Variants in AGFG1 observed in about 807,000 individuals in gnomAD.
AGFG1 encodes ArfGAP with FG repeats 1, also known as arf-GAP domain and FG repeat-containing protein 1.
Under a neutral mutation model 60.6 loss-of-function variants are expected in AGFG1, and 10 were observed. The observed-to-expected ratio is 0.16, with a 90% confidence interval of 0.10 to 0.28. The LOEUF (loss-of-function observed/expected upper bound fraction) is 0.28. Among genes scored for constraint, AGFG1 ranks in the 10% least tolerant of loss-of-function variants. AGFG1 has a pLI of 1.00. For synonymous variants in AGFG1, 247 were observed against 242.9 expected, an observed-to-expected ratio of 1.02 and a Z score of -0.16; for missense variants, 537 against 676.5, an observed-to-expected ratio of 0.79 and a Z score of 2.29.
intron 1 of AGFG1, among the ~76,000 whole-genome samples, chr2:227,474,877 A>G (rs1207070164): frequency 2.0e-5 from 3 of 152,060 alleles, no homozygotes; most frequent in African/African-American, 7.2e-5. Context: ...TTTGAGCTTG[A>G]TTTTTCTCTT....
chr2:227,500,117 ACAGGCCCTC>A lies in AGFG1; in HGVS notation c.261+8481_261+8489del, dbSNP rs140967573. ...TTATGAGCTGGTAAGAAGAAAACAAACAGGCCCTCCAGCCTCATAGGTTTTTGAGGAATT... is the reference window on the plus strand; with the variant it reads ...TTATGAGCTGGTAAGAAGAAAACAAACAGCCTCATAGGTTTTTGAGGAATT... On this transcript the variant is annotated intron_variant, in intron 2 of 12. Transcript: ENST00000310078. 8.6e-3 allele frequency among the ~76,000 whole-genome samples: 1,303 copies of A among 152,306 alleles called. 8 individuals are homozygous for A. Among genetic ancestry groups the A allele is most frequent in the Middle Eastern group, 0.027 (8 of 294 alleles).
At chr2:227,531,316 C>A in intron 6 of AGFG1, 106 bp downstream of exon 6, 1 of 1,301,704 alleles carries the variant, frequency 7.7e-7, no homozygotes, top group Non-Finnish European at 1.0e-6. Context: ...AATTATCTGA[C>A]TTTAAAATGG....
intron 1 of AGFG1, among the ~76,000 whole-genome samples, chr2:227,481,054 C>G (rs2106155765): frequency 7.0e-6 from 1 of 143,252 alleles, no homozygotes; most frequent in African/African-American, 2.5e-5. Context: ...TTCAGAACCT[C>G]ATATTGAAGT....
intron 10 of AGFG1, 113 bp from the exon 11 acceptor site, chr2:227,551,846 A>G: frequency 7.8e-7 from 1 of 1,285,466 alleles, no homozygotes; most frequent in Non-Finnish European, 1.1e-6. Flanking sequence ...CCCTGCCTTT[A>G]ATGTACATCT....
chr2:227,503,382 G>A (rs1691216695), intron 2 of AGFG1, among the ~76,000 whole-genome samples: 1 of 152,128 alleles, frequency 6.6e-6, no homozygotes, highest in Non-Finnish European at 1.5e-5. Flanking sequence ...CTTGAAGTCA[G>A]GTAGTACAAA....
intron 2 of AGFG1, among the ~76,000 whole-genome samples, chr2:227,499,427 G>A (rs1691080984): frequency 1.3e-5 from 2 of 151,948 alleles, no homozygotes; most frequent in African/African-American, 4.8e-5. Context: ...ATCACTTGAG[G>A]CCAGGAGTTC....
At chr2:227,540,657 C>G (rs958540954) in intron 10 of AGFG1, among the ~76,000 whole-genome samples, 1 of 152,144 alleles carries the variant, frequency 6.6e-6, no homozygotes. Flanking sequence ...AGTAAACGTA[C>G]GTGTGCATGT....
rs1349054604 is a variant in AGFG1 at position 227,561,010 on chromosome 2, TG to T, written c.*6517del. On this transcript the variant is annotated 3_prime_UTR_variant, in exon 13 of 13. Transcript: ENST00000310078. Reference sequence around the variant, plus strand: ...GACCTTCTAGTCAGCAGGGCATGTTTGGAAAATGTTAATACGCCATGATTTT... The same window carrying T: ...GACCTTCTAGTCAGCAGGGCATGTTTGAAAATGTTAATACGCCATGATTTT... 6.6e-6 allele frequency: 1 copy of T among 152,174 alleles called. No homozygotes were observed. The highest frequency in any genetic ancestry group is 1.5e-5 in the Non-Finnish European group (1 of 68,002). 9.4% of individuals were successfully genotyped at this position (152,174 alleles called of 1,614,324 possible).
At chr2:227,485,894 G>A (rs755494488) in intron 1 of AGFG1, among the ~76,000 whole-genome samples, 6 of 152,218 alleles carry the variant, frequency 3.9e-5, no homozygotes, top group Non-Finnish European at 7.4e-5. Flanking sequence ...GGGAGGTGGT[G>A]TTAATCTTTT....
At position 227,554,765 on chromosome 2, in the gene AGFG1, A is replaced by G. The variant is rs1270241896; in HGVS notation, c.*270A>G. The G allele has an allele frequency of 3.0e-6, 1 of 332,962 alleles. No homozygotes were observed. Among genetic ancestry groups the G allele is most frequent in the African/African-American group, 2.1e-5 (1 of 47,372 alleles). 20.6% of individuals were successfully genotyped at this position (332,962 alleles called of 1,614,324 possible). A position where few individuals can be genotyped will look rare whatever the true frequency, so the allele number is the denominator to read the frequency against. On this transcript the variant is annotated 3_prime_UTR_variant, in exon 13 of 13. Coordinates refer to ENST00000310078, the MANE Select transcript of AGFG1 (RefSeq NM_004504.5). Reference sequence around the variant, plus strand: ...AGTTATTGCAGATACCACATTCATTATGCTGCAGTACTGTACATATTTTTC... The same window carrying G: ...AGTTATTGCAGATACCACATTCATTGTGCTGCAGTACTGTACATATTTTTC...
intron 2 of AGFG1, among the ~76,000 whole-genome samples, chr2:227,513,805 A>G (rs1034561367): frequency 6.6e-6 from 1 of 152,188 alleles, no homozygotes; most frequent in Non-Finnish European, 1.5e-5. Context: ...AAAATTATCA[A>G]TTTTATGAAT....
chr2:227,495,227 T>C (rs978769509), intron 2 of AGFG1, among the ~76,000 whole-genome samples: 2 of 152,178 alleles, frequency 1.3e-5, no homozygotes, highest in Admixed American at 6.5e-5. Context: ...CATGTATTTC[T>C]TTTGTATCAT....
At chr2:227,540,967 T>C (rs1227005993) in intron 10 of AGFG1, among the ~76,000 whole-genome samples, 3 of 152,246 alleles carry the variant, frequency 2.0e-5, no homozygotes, top group African/African-American at 7.2e-5. Context: ...CATTTCTTCA[T>C]GTGTCTGTTG....
At position 227,531,138 on chromosome 2, in the gene AGFG1, C is replaced by A; in HGVS notation, c.742C>A (p.Gln248Lys). 6.2e-7 allele frequency: 1 copy of A among 1,613,448 alleles called. No individual in the cohort carries two copies. Among genetic ancestry groups the A allele is most frequent in the Non-Finnish European group, 8.5e-7 (1 of 1,179,580 alleles). The change falls in exon 6 of 13, where the codon CAG (glutamine) becomes AAG (lysine). Residue 248 changes from glutamine (Q) to lysine (K), a missense_variant. Transcript: ENST00000310078. The stretch of plus-strand genomic sequence containing the variant: ...TTTTGCAAACTTTGATGCATTTGGA[C>A]AGTCTAGTGGTTCGAGTAATTTTGG... ...ADFANFDAFG[Q>K]SSGSSNFGGF...
At chr2:227,508,676 AAC>A (rs1691399805) in intron 2 of AGFG1, 1 of 451,160 alleles carries the variant, frequency 2.2e-6, no homozygotes, top group South Asian at 1.6e-5. Context: ...TTGGAATGGA[AAC>A]ACTGTTGGGA....
At chr2:227,540,323 C>CCTAAT (rs1432951493) in intron 10 of AGFG1, among the ~76,000 whole-genome samples, 2 of 151,742 alleles carry the variant, frequency 1.3e-5, no homozygotes, top group East Asian at 3.9e-4. Context: ...AGGTATGTCT[C>CCTAAT]CTAATGGTAT....
intron 1 of AGFG1, among the ~76,000 whole-genome samples, chr2:227,480,649 C>T (rs1017813447): frequency 6.0e-5 from 9 of 150,916 alleles, no homozygotes; most frequent in Non-Finnish European, 1.3e-4. Flanking sequence ...TCTGGAAATG[C>T]TGCTGTCTAG....
chr2:227,518,516 C>CTTTTT (rs1222543055), intron 2 of AGFG1, among the ~76,000 whole-genome samples: 1 of 102,364 alleles, frequency 9.8e-6, no homozygotes. Flanking sequence ...GTCTCAGTGT[C>CTTTTT]TTTTTTTTTT....
intron 2 of AGFG1, among the ~76,000 whole-genome samples, chr2:227,501,676 T>C (rs1342634433): frequency 6.6e-6 from 1 of 152,140 alleles, no homozygotes; most frequent in East Asian, 1.9e-4. Flanking sequence ...CTTGACTTCC[T>C]GGGCTCAGGT....
Sources: allele counts gnomAD v4.1 joint callset (sites outside exome capture counted in the v4.1 genomes callset), GRCh38; gene constraint gnomAD v4.1.1; transcripts MANE v1.5; gene names NCBI Gene and HGNC (gene_info 2026-07-23, HGNC 2026-07-21).